Variants in CCDC73 observed in about 807,000 individuals in gnomAD.
CCDC73 encodes coiled-coil domain containing 73.
CCDC73 carries 95 observed loss-of-function variants against 116.5 expected under a neutral mutation model. That is an observed-to-expected ratio of 0.82 (90% CI 0.69 to 0.97). The LOEUF (loss-of-function observed/expected upper bound fraction) is 0.97, where lower values mean the gene tolerates loss of function less well. Among genes scored for constraint, CCDC73 ranks in the 50% least tolerant of loss-of-function variants. The probability of loss-of-function intolerance (pLI) is 0.00; values close to 1 mark genes in which losing one functional copy is unlikely to be tolerated. For synonymous variants in CCDC73, 398 were observed against 401.3 expected (o/e 0.99, Z 0.10); for missense variants, 1,066 against 1,206.8 (o/e 0.88, Z 1.73).
the CCDC73 span, chr11:32,830,451 C>G: frequency 7.9e-7 from 1 of 1,260,158 alleles, no homozygotes; most frequent in Non-Finnish European, 1.1e-6. Flanking sequence ...TCGACAGAAA[C>G]TCAAAGTGCT....
intron 2 of CCDC73, among the ~76,000 whole-genome samples, chr11:32,747,265 A>T (rs1439864521): frequency 6.6e-6 from 1 of 152,188 alleles, no homozygotes; most frequent in African/African-American, 2.4e-5. Flanking sequence ...GAGGCTGCAG[A>T]ACAGCAAATA....
At chr11:32,694,430 T>C (rs922623962) in intron 6 of CCDC73, among the ~76,000 whole-genome samples, 2 of 152,078 alleles carry the variant, frequency 1.3e-5, no homozygotes, top group African/African-American at 2.4e-5. Flanking sequence ...CACAAACAAA[T>C]GGAAGAACAT....
At chr11:32,708,177 A>G (rs1849871253) in intron 3 of CCDC73, among the ~76,000 whole-genome samples, 1 of 152,074 alleles carries the variant, frequency 6.6e-6, no homozygotes, top group Non-Finnish European at 1.5e-5. Context: ...TCTTCACTTT[A>G]TGTTTTCATT....
chr11:32,730,557 A>C (rs1458852346), intron 2 of CCDC73, among the ~76,000 whole-genome samples: 1 of 152,118 alleles, frequency 6.6e-6, no homozygotes, highest in Admixed American at 6.6e-5. Context: ...TGTTGCTTTG[A>C]ATATAATTAA....
At chr11:32,785,424 C>G (rs1287642601) in intron 1 of CCDC73, among the ~76,000 whole-genome samples, 5 of 151,918 alleles carry the variant, frequency 3.3e-5, no homozygotes, top group Non-Finnish European at 7.4e-5. Context: ...TTTTTTGACA[C>G]AGGATCTCAC....
intron 9 of CCDC73, among the ~76,000 whole-genome samples, chr11:32,672,306 C>A (rs1456091205): frequency 6.6e-6 from 1 of 152,154 alleles, no homozygotes; most frequent in Non-Finnish European, 1.5e-5. Flanking sequence ...TGCGCCATTG[C>A]ATTCCAGCCT....
rs1253274108 is a variant in CCDC73, at chr11:32,613,999, G to A, written c.2319C>T (p.Asn773=). 22 of 1,611,016 alleles carry A rather than the reference G, an allele frequency of 1.4e-5. No homozygotes were observed. Among genetic ancestry groups the A allele is most frequent in the Non-Finnish European group, 1.9e-5 (22 of 1,179,580 alleles). ...CLGYLENTNV[N]ISHLHLNNEN... is the part of the protein sequence containing the mutation. ...CATTGTTAAGATGAAGATGGGAAAT[G>A]TTCACATTAGTGTTTTCTAAGTATC... is the stretch of plus-strand genomic sequence containing the variant. The change falls in exon 16 of 18, where the codon AAC becomes AAT. Residue 773 remains asparagine (N), a synonymous_variant. Transcript: ENST00000335185.
At chr11:32,747,230 CCT>C (rs1373830665) in intron 2 of CCDC73, among the ~76,000 whole-genome samples, 1 of 152,134 alleles carries the variant, frequency 6.6e-6, no homozygotes, top group Non-Finnish European at 1.5e-5. Flanking sequence ...CACTCCAGAC[CCT>C]GTTTGCCTGG....
intron 6 of CCDC73, among the ~76,000 whole-genome samples, chr11:32,687,043 G>T (rs535078969): frequency 3.9e-5 from 6 of 152,170 alleles, no homozygotes; most frequent in South Asian, 4.2e-4. Context: ...AAAGCACACC[G>T]CTTTAGAGAA....
chr11:32,625,733 T>C (rs1455208129), intron 14 of CCDC73, among the ~76,000 whole-genome samples: 3 of 152,050 alleles, frequency 2.0e-5, no homozygotes, highest in Non-Finnish European at 4.4e-5. Context: ...AAAAAACACA[T>C]GATTATTTCA....
Position 32,683,534 on chromosome 11 carries a change from A to C in CCDC73, c.429+2T>G, listed in dbSNP as rs762264926. The C allele has an allele frequency of 3.3e-6, 5 of 1,520,082 alleles. No homozygotes were observed. The highest frequency in any genetic ancestry group is 4.6e-6 in the Non-Finnish European group (5 of 1,097,646). The allele number at this position is 1,520,082 out of a possible 1,614,324, so 94.2% of individuals were successfully genotyped here. A position where few individuals can be genotyped will look rare whatever the true frequency, so the allele number is the denominator to read the frequency against. On this transcript the variant is annotated splice_donor_variant, in intron 7 of 17. Coordinates refer to ENST00000335185, the MANE Select transcript of CCDC73 (RefSeq NM_001008391.4). LOFTEE classifies it high-confidence loss of function. The stretch of plus-strand genomic sequence containing the variant: ...GGAAAATATGTTTTGTAATTTCCTT[A>C]CCATTTCACTCACTTTCTTCTGTAA...
chr11:32,740,616 A>AT (rs907241151), intron 2 of CCDC73, among the ~76,000 whole-genome samples: 1 of 150,704 alleles, frequency 6.6e-6, no homozygotes, highest in Non-Finnish European at 1.5e-5. Context: ...TGTCAATTTT[A>AT]TTTTTTCAAA....
intron 13 of CCDC73, among the ~76,000 whole-genome samples, chr11:32,637,265 C>T (rs1048946776): frequency 6.6e-6 from 1 of 152,002 alleles, no homozygotes; most frequent in African/African-American, 2.4e-5. Context: ...CCCACCTCGG[C>T]CTCCCAAAGT....
Position 32,675,885 on chromosome 11 carries a change from C to A in CCDC73, c.565+1G>T, listed in dbSNP as rs1264125201. On this transcript the variant is annotated splice_donor_variant, in intron 8 of 17. Coordinates refer to ENST00000335185, the MANE Select transcript of CCDC73 (RefSeq NM_001008391.4). LOFTEE classifies it high-confidence loss of function. ...GTATATTTAAATAAGATAGCACATA[C>A]CATTTTGTTCTAACTTTTCATGATT... 2.5e-6 allele frequency: 4 copies of A among 1,590,260 alleles called. No homozygotes were observed. Among genetic ancestry groups the A allele is most frequent in the Admixed American group, 1.8e-5 (1 of 55,716 alleles).
chr11:32,696,239 G>A (rs1746674725), intron 6 of CCDC73, among the ~76,000 whole-genome samples: 1 of 151,986 alleles, frequency 6.6e-6, no homozygotes, highest in Admixed American at 6.6e-5. Flanking sequence ...TTCATTTATA[G>A]GTTAATTCTA....
intron 14 of CCDC73, among the ~76,000 whole-genome samples, chr11:32,623,658 T>A (rs186945451): frequency 1.3e-3 from 198 of 152,222 alleles, no homozygotes; most frequent in Non-Finnish European, 2.2e-3. Flanking sequence ...CCAGCCCAGA[T>A]TGCCCTATGT....
chr11:32,631,496 T>C (rs549466316), intron 14 of CCDC73, among the ~76,000 whole-genome samples: 1 of 151,850 alleles, frequency 6.6e-6, no homozygotes, highest in South Asian at 2.1e-4. Flanking sequence ...TGATACTCAA[T>C]ACCCATGGGT....
chr11:32,625,777 C>A (rs1325713887), intron 14 of CCDC73, among the ~76,000 whole-genome samples: 1 of 152,096 alleles, frequency 6.6e-6, no homozygotes, highest in Non-Finnish European at 1.5e-5. Context: ...CAAAATTCAA[C>A]AGCCCTTCAT....
chr11:32,701,685 C>CTAAA (rs964376179), intron 4 of CCDC73, among the ~76,000 whole-genome samples: 12 of 152,080 alleles, frequency 7.9e-5, no homozygotes, highest in African/African-American at 2.4e-4. Context: ...AAGACTATCT[C>CTAAA]TAAATAAATA....
Sources: allele counts gnomAD v4.1 joint callset (sites outside exome capture counted in the v4.1 genomes callset), GRCh38; gene constraint gnomAD v4.1.1; transcripts MANE v1.5; gene names NCBI Gene and HGNC (gene_info 2026-07-23, HGNC 2026-07-21).